The following PTPN11 variants were observed in gnomAD, a reference collection of about 807,000 sequenced individuals.
PTPN11 encodes tyrosine-protein phosphatase non-receptor type 11.
PTPN11 carries 6 observed loss-of-function variants against 78.8 expected under a neutral mutation model. The observed-to-expected ratio is 0.08, with a 90% CI of 0.04 to 0.15. The LOEUF is 0.15. Among genes scored for constraint, PTPN11 ranks in the 10% least tolerant of loss-of-function variants. PTPN11 has a pLI of 1.00. For synonymous variants in PTPN11, 221 were observed against 263.5 expected (o/e 0.84, Z 1.56); for missense variants, 386 against 744.8 (o/e 0.52, Z 5.61).
chr12:112,482,411 TC>T lies in PTPN11; in HGVS notation c.1224+207del, dbSNP rs1223920619. Reference sequence around the variant, plus strand: ...AACAAGGCAGGTAGTGTTCCTGCCCTCATCGAGCCTAGGGAGATAGACAATT... The same window carrying T: ...AACAAGGCAGGTAGTGTTCCTGCCCTATCGAGCCTAGGGAGATAGACAATT... On this transcript the variant is annotated intron_variant, in intron 10 of 15. Coordinates refer to ENST00000351677, the MANE Select transcript of PTPN11 (RefSeq NM_002834.5). The surrounding 1 kb of genome is among the most constrained non-coding windows in gnomAD (Gnocchi z 4.4). Among the ~76,000 whole-genome samples the T allele has an allele frequency of 6.6e-6, 1 of 152,188 alleles. No individual in the cohort carries two copies. Among genetic ancestry groups the T allele is most frequent in the East Asian group, 1.9e-4 (1 of 5,194 alleles).
At chr12:112,487,061 T>G in intron 11 of PTPN11, 1 of 307,392 alleles carries the variant, frequency 3.3e-6, no homozygotes, top group Non-Finnish European at 5.7e-6. Context: ...TTGGTTCTCT[T>G]TTTCCTTCTT....
intron 7 of PTPN11, among the ~76,000 whole-genome samples, chr12:112,473,547 T>A (rs1242806961): frequency 6.6e-6 from 1 of 151,990 alleles, no homozygotes; most frequent in Non-Finnish European, 1.5e-5. Flanking sequence ...CCTAAACTGC[T>A]CAGAAGAAGA....
At chr12:112,456,834 G>T (rs1483400631) in intron 6 of PTPN11, among the ~76,000 whole-genome samples, 1 of 152,088 alleles carries the variant, frequency 6.6e-6, no homozygotes, top group Non-Finnish European at 1.5e-5. Flanking sequence ...GGGCTCAAGT[G>T]ATCCTCCAGC....
At chr12:112,431,672 T>G (rs1234227380) in intron 1 of PTPN11, among the ~76,000 whole-genome samples, 2 of 152,136 alleles carry the variant, frequency 1.3e-5, no homozygotes, top group Non-Finnish European at 2.9e-5. Flanking sequence ...CCGTACAGGG[T>G]CCTGTTAAGA....
chr12:112,423,975 T>C (rs1240357871), intron 1 of PTPN11, among the ~76,000 whole-genome samples: 2 of 151,842 alleles, frequency 1.3e-5, no homozygotes, highest in Non-Finnish European at 2.9e-5. Flanking sequence ...TGGTCTCAAA[T>C]TCCTGGGCTC....
intron 7 of PTPN11, among the ~76,000 whole-genome samples, chr12:112,476,926 C>T (rs988371460): frequency 6.6e-6 from 1 of 152,200 alleles, no homozygotes; most frequent in Non-Finnish European, 1.5e-5. Flanking sequence ...CATCTATACT[C>T]TGATCCACAT....
At chr12:112,464,491 G>A (rs1490705842) in intron 6 of PTPN11, among the ~76,000 whole-genome samples, 2 of 152,052 alleles carry the variant, frequency 1.3e-5, no homozygotes, top group African/African-American at 4.8e-5. Context: ...CTGGAGTGCA[G>A]AGGTGTGATA....
At chr12:112,440,253 G>A (rs1008045136) in intron 1 of PTPN11, among the ~76,000 whole-genome samples, 1 of 152,086 alleles carries the variant, frequency 6.6e-6, no homozygotes, top group East Asian at 1.9e-4. Context: ...ACGTTTTCCC[G>A]GGTGAAATTC....
intron 2 of PTPN11, 78 bp from the exon 3 acceptor site, chr12:112,450,240 C>T (rs551445031): frequency 7.0e-5 from 93 of 1,333,618 alleles, no homozygotes; most frequent in East Asian, 4.1e-4. Context: ...TAAAATCCGA[C>T]GTGGAAGATG....
intron 3 of PTPN11, among the ~76,000 whole-genome samples, chr12:112,452,418 GT>G (rs1336099194): frequency 6.6e-6 from 1 of 152,032 alleles, no homozygotes; most frequent in Non-Finnish European, 1.5e-5. Flanking sequence ...CAGAGACAGG[GT>G]TTCACCATGT....
intron 9 of PTPN11, among the ~76,000 whole-genome samples, chr12:112,479,229 A>G (rs1412630926): frequency 1.3e-5 from 2 of 152,220 alleles, no homozygotes; most frequent in Non-Finnish European, 2.9e-5. Flanking sequence ...CCTCTGTGTT[A>G]TCTCAAAGTG....
At chr12:112,428,396 C>CTTTTTT (rs11312766) in intron 1 of PTPN11, among the ~76,000 whole-genome samples, 1 of 84,476 alleles carries the variant, frequency 1.2e-5, no homozygotes, top group African/African-American at 4.3e-5. Flanking sequence ...TGTGTGTTGT[C>CTTTTTT]TTTTTTTTTT....
chr12:112,504,595 G>A lies in PTPN11; in HGVS notation c.1713-100G>A. The A allele has an allele frequency of 1.1e-6, 1 of 873,880 alleles. No homozygotes were observed. Among genetic ancestry groups the A allele is most frequent in the East Asian group, 2.7e-5 (1 of 37,576 alleles). 54.1% of individuals were successfully genotyped at this position (873,880 alleles called of 1,614,324 possible). On this transcript the variant is annotated intron_variant, in intron 14 of 15. Coordinates refer to ENST00000351677, the MANE Select transcript of PTPN11 (RefSeq NM_002834.5). This position sits in a 1 kb window ranked among gnomAD's most constrained non-coding sequence, Gnocchi z 4.7. ...CAGGAACTGTGTCTGTACCATATCT[G>A]GTGCCCAAAGAATGTAGTATGTGTT...
intron 9 of PTPN11, among the ~76,000 whole-genome samples, chr12:112,478,367 G>A (rs1188136827): frequency 2.0e-5 from 3 of 151,548 alleles, no homozygotes; most frequent in African/African-American, 7.3e-5. Flanking sequence ...GAGGTCAGGA[G>A]TTTGAGACCA....
At chr12:112,429,481 C>CTTTTT (rs1177861343) in intron 1 of PTPN11, among the ~76,000 whole-genome samples, 3 of 110,820 alleles carry the variant, frequency 2.7e-5, no homozygotes, top group Non-Finnish European at 3.7e-5. Flanking sequence ...GTTGAAACTA[C>CTTTTT]TTTTTTTTTT....
chr12:112,440,322 G>T (rs970282523), intron 1 of PTPN11, among the ~76,000 whole-genome samples: 7 of 151,998 alleles, frequency 4.6e-5, no homozygotes, highest in Non-Finnish European at 8.8e-5. Context: ...CGCCCAGGCT[G>T]GAGTGCAGTG....
intron 2 of PTPN11, among the ~76,000 whole-genome samples, chr12:112,448,687 T>C (rs1592824567): frequency 6.6e-6 from 1 of 151,918 alleles, no homozygotes; most frequent in Non-Finnish European, 1.5e-5. Context: ...CATTCTATCA[T>C]GTGAATATTT....
intron 3 of PTPN11, among the ~76,000 whole-genome samples, chr12:112,451,439 G>A (rs1393176830): frequency 6.6e-6 from 1 of 152,172 alleles, no homozygotes; most frequent in Non-Finnish European, 1.5e-5. Context: ...GAGGGAAAAA[G>A]CCACTTTATT....
chr12:112,460,874 T>G lies in PTPN11; in HGVS notation c.756+4811T>G, dbSNP rs544858937. On this transcript the variant is annotated intron_variant, in intron 6 of 15. Transcript: ENST00000351677. The stretch of plus-strand genomic sequence containing the variant: ...ACAAAACAAAACAATCTTAAGTCTC[T>G]TAGAATACTTTGATGCCCCTTCCAT... 4.6e-5 allele frequency among the ~76,000 whole-genome samples: 7 copies of G among 152,188 alleles called. No homozygotes were observed. In the East Asian group the frequency reaches 1.4e-3, roughly 29 times the overall value.
Sources: allele counts gnomAD v4.1 joint callset (sites outside exome capture counted in the v4.1 genomes callset), GRCh38; gene constraint gnomAD v4.1.1; non-coding constraint Gnocchi (gnomAD v3.1); transcripts MANE v1.5; gene names NCBI Gene and HGNC (gene_info 2026-07-23, HGNC 2026-07-21).